The following MALRD1 variants were observed in gnomAD, a reference collection of about 807,000 sequenced individuals.
MALRD1 encodes MAM and LDL-receptor class A domain-containing protein 1.
MALRD1 carries 247 observed loss-of-function variants against 242.1 expected under a neutral mutation model. The ratio of observed to expected loss-of-function variants is 1.02; its 90% CI spans 0.92 to 1.13. The LOEUF is 1.13. Ranked by LOEUF, MALRD1 falls within the 50% of genes most tolerant of loss-of-function variation. MALRD1 has a pLI of 0.00. For synonymous variants in MALRD1, 995 were observed against 866.6 expected, an observed-to-expected ratio of 1.15 and a Z score of -2.60; for missense variants, 2,989 against 2,533.1, an observed-to-expected ratio of 1.18 and a Z score of -3.86.
chr10:19,431,368 G>A (rs915084549), intron 28 of MALRD1, among the ~76,000 whole-genome samples: 35 of 151,760 alleles, frequency 2.3e-4, no homozygotes, highest in African/African-American at 7.5e-4. Context: ...AAAAGTTTGG[G>A]TATTTTGACT....
chr10:19,341,510 ATG>A (rs369200711), intron 24 of MALRD1, among the ~76,000 whole-genome samples: 1 of 142,698 alleles, frequency 7.0e-6, no homozygotes, highest in Non-Finnish European at 1.5e-5. Context: ...ATGTATATAT[ATG>A]TGTGTATATA....
At chr10:19,207,793 C>A (rs753148744) in intron 17 of MALRD1, among the ~76,000 whole-genome samples, 21 of 152,132 alleles carry the variant, frequency 1.4e-4, no homozygotes, top group African/African-American at 5.1e-4. Context: ...TGAGCCACTG[C>A]GCCCAGCCTG....
chr10:19,541,466 C>T (rs1453626739), intron 32 of MALRD1, among the ~76,000 whole-genome samples: 2 of 152,136 alleles, frequency 1.3e-5, no homozygotes, highest in Non-Finnish European at 2.9e-5. Context: ...CTTAATGTGT[C>T]ACTCATCCTG....
chr10:19,182,196 T>C (rs12247413), intron 14 of MALRD1, among the ~76,000 whole-genome samples: 45,794 of 151,974 alleles, frequency 0.3, 7,228 homozygotes, highest in Admixed American at 0.37. Flanking sequence ...GAACCTTACC[T>C]ATATAGTCTT....
At chr10:19,547,398 A>T (rs542923160) in intron 32 of MALRD1, among the ~76,000 whole-genome samples, 17 of 152,112 alleles carry the variant, frequency 1.1e-4, no homozygotes, top group Non-Finnish European at 2.4e-4. Flanking sequence ...GTCACTAGGG[A>T]TTAGAAACTC....
intron 28 of MALRD1, among the ~76,000 whole-genome samples, chr10:19,418,114 A>T (rs936141984): frequency 6.6e-6 from 1 of 152,096 alleles, no homozygotes; most frequent in African/African-American, 2.4e-5. Context: ...CATAAAGTAA[A>T]GCCTTAGGAT....
chr10:19,582,377 T>A (rs894346299), intron 33 of MALRD1, among the ~76,000 whole-genome samples: 51 of 148,414 alleles, frequency 3.4e-4, no homozygotes, highest in African/African-American at 1.2e-3. Context: ...AAGTCTTTAA[T>A]CCATCTTGAA....
chr10:19,315,558 T>TTTATATAAATATATAAAAATATAAATATA lies in MALRD1; in HGVS notation c.3420-8391_3420-8390insTTATATAAATATATAAAAATATAAATATA, dbSNP rs1842647865. Among the ~76,000 whole-genome samples, 9 of 52,846 alleles carry TTTATATAAATATATAAAAATATAAATATA rather than the reference T, an allele frequency of 1.7e-4. 1 individual carries two copies. Among genetic ancestry groups the TTTATATAAATATATAAAAATATAAATATA allele is most frequent in the African/African-American group, 8.7e-4 (8 of 9,150 alleles). 34.7% of individuals were successfully genotyped at this position (52,846 alleles called of 152,430 possible). A position where few individuals can be genotyped will look rare whatever the true frequency, so the allele number is the denominator to read the frequency against. On this transcript the variant is annotated intron_variant, in intron 21 of 39. Coordinates refer to ENST00000454679, the MANE Select transcript of MALRD1 (RefSeq NM_001142308.3). ...TATAAATATATAAAAATATAAATAT[T>TTTATATAAATATATAAAAATATAAATATA]ATTTATATAAATATATAAATTATAA...
chr10:19,315,578 T>TATAATTTA (rs1484830362), intron 21 of MALRD1, among the ~76,000 whole-genome samples: 1 of 62,434 alleles, frequency 1.6e-5, no homozygotes, highest in Admixed American at 2.0e-4. Flanking sequence ...AATATATAAA[T>TATAATTTA]TATAAATTAT....
intron 10 of MALRD1, 65 bp downstream of exon 10, chr10:19,136,846 C>A: frequency 9.0e-7 from 1 of 1,108,172 alleles, no homozygotes; most frequent in Non-Finnish European, 1.1e-6. Flanking sequence ...GGATTTAAAA[C>A]AGTCTTTGTT....
chr10:19,076,404 T>C (rs888938324), intron 2 of MALRD1, among the ~76,000 whole-genome samples: 3 of 152,026 alleles, frequency 2.0e-5, no homozygotes, highest in South Asian at 4.1e-4. Flanking sequence ...TCCAAGGTCA[T>C]AGACTTACAC....
chr10:19,536,350 C>T (rs199610723), intron 32 of MALRD1, among the ~76,000 whole-genome samples: 3 of 145,630 alleles, frequency 2.1e-5, no homozygotes, highest in Admixed American at 6.8e-5. Flanking sequence ...TTTTTCTTTT[C>T]TTTTTTTTTT....
chr10:19,321,243 A>G (rs1392391697), intron 21 of MALRD1, among the ~76,000 whole-genome samples: 2 of 152,186 alleles, frequency 1.3e-5, no homozygotes, highest in East Asian at 3.9e-4. Flanking sequence ...TATTTCATTA[A>G]CATTAGTTTT....
intron 29 of MALRD1, among the ~76,000 whole-genome samples, chr10:19,451,111 C>T (rs1285447822): frequency 6.6e-6 from 1 of 152,196 alleles, no homozygotes; most frequent in Non-Finnish European, 1.5e-5. Context: ...CGCTTTCTAA[C>T]ATGGATAATT....
intron 28 of MALRD1, among the ~76,000 whole-genome samples, chr10:19,408,848 G>C (rs1369809529): frequency 6.6e-6 from 1 of 152,148 alleles, no homozygotes; most frequent in Non-Finnish European, 1.5e-5. Flanking sequence ...AAATGGTATA[G>C]AAACTCTGTA....
intron 26 of MALRD1, among the ~76,000 whole-genome samples, chr10:19,372,188 T>C (rs768002854): frequency 1.8e-4 from 28 of 152,202 alleles, no homozygotes; most frequent in Non-Finnish European, 3.5e-4. Flanking sequence ...AATATTTATA[T>C]AGTTATAGTA....
intron 38 of MALRD1, among the ~76,000 whole-genome samples, chr10:19,697,328 A>T (rs1046425309): frequency 3.3e-5 from 5 of 152,112 alleles, no homozygotes; most frequent in African/African-American, 1.2e-4. Context: ...AGAGTTTTGC[A>T]TCTCAGTCTT....
At chr10:19,145,169 A>G (rs192370164) in intron 10 of MALRD1, among the ~76,000 whole-genome samples, 107 of 152,328 alleles carry the variant, frequency 7.0e-4, no homozygotes, top group African/African-American at 2.4e-3. Context: ...AAGCTCTTAG[A>G]CTTTCTAGTT....
chr10:19,501,613 C>A (rs1421781896), intron 31 of MALRD1, among the ~76,000 whole-genome samples: 1 of 152,072 alleles, frequency 6.6e-6, no homozygotes, highest in Admixed American at 6.5e-5. Flanking sequence ...TAAATCTGTA[C>A]ATAGATATTT....
Sources: allele counts gnomAD v4.1 joint callset (sites outside exome capture counted in the v4.1 genomes callset), GRCh38; gene constraint gnomAD v4.1.1; transcripts MANE v1.5; gene names NCBI Gene and HGNC (gene_info 2026-07-23, HGNC 2026-07-21).